Variants in TBC1D9 observed in about 807,000 individuals in gnomAD.
TBC1D9 encodes TBC1 domain family member 9.
A neutral mutation model predicts 132.0 loss-of-function variants in TBC1D9; 63 were observed. The ratio of observed to expected loss-of-function variants is 0.48; its 90% CI spans 0.39 to 0.59. The LOEUF (loss-of-function observed/expected upper bound fraction) is 0.59. TBC1D9 is among the 20% of genes least tolerant of loss of function. TBC1D9 has a pLI of 0.00. For synonymous variants in TBC1D9, 610 were observed against 609.9 expected (o/e 1.00, Z 0.00); for missense variants, 1,261 against 1,592.7 (o/e 0.79, Z 3.54).
At chr4:140,626,937 C>A (rs574154085) in intron 18 of TBC1D9, among the ~76,000 whole-genome samples, 34 of 152,302 alleles carry the variant, frequency 2.2e-4, no homozygotes, top group African/African-American at 8.2e-4. Context: ...ATATACTTTT[C>A]ATGTGGCAAA....
chr4:140,676,124 A>G (rs1463327735), intron 6 of TBC1D9, among the ~76,000 whole-genome samples: 1 of 152,152 alleles, frequency 6.6e-6, no homozygotes, highest in Non-Finnish European at 1.5e-5. Flanking sequence ...AATTGTTCCA[A>G]TTATCCAAGC....
intron 6 of TBC1D9, among the ~76,000 whole-genome samples, chr4:140,675,937 T>C (rs1437505225): frequency 6.6e-6 from 1 of 152,202 alleles, no homozygotes; most frequent in Non-Finnish European, 1.5e-5. Flanking sequence ...CTGGAGGGAT[T>C]ACCCTTCCCA....
intron 1 of TBC1D9, among the ~76,000 whole-genome samples, chr4:140,748,238 A>G (rs1738866871): frequency 6.6e-6 from 1 of 152,222 alleles, no homozygotes; most frequent in African/African-American, 2.4e-5. Context: ...TAAAAAAATA[A>G]TTAAAAGTGG....
At chr4:140,746,270 A>G (rs1738834505) in intron 1 of TBC1D9, among the ~76,000 whole-genome samples, 1 of 152,182 alleles carries the variant, frequency 6.6e-6, no homozygotes, top group Non-Finnish European at 1.5e-5. Flanking sequence ...GGAATCACAC[A>G]TTTGATTTTG....
At chr4:140,707,335 T>A (rs936570084) in intron 1 of TBC1D9, among the ~76,000 whole-genome samples, 6 of 152,222 alleles carry the variant, frequency 3.9e-5, no homozygotes, top group African/African-American at 1.4e-4. Context: ...GAAGCTTCCA[T>A]TTATATACAT....
chr4:140,737,874 C>G (rs976421645), intron 1 of TBC1D9, among the ~76,000 whole-genome samples: 6 of 152,070 alleles, frequency 3.9e-5, no homozygotes, highest in Non-Finnish European at 5.9e-5. Context: ...AAAAGTGGAG[C>G]CTCAGTTCCA....
intron 1 of TBC1D9, among the ~76,000 whole-genome samples, chr4:140,718,464 A>C (rs909906318): frequency 2.0e-5 from 3 of 152,138 alleles, no homozygotes; most frequent in African/African-American, 7.2e-5. Context: ...CCTCCATGTA[A>C]TAATTACCCC....
intron 2 of TBC1D9, among the ~76,000 whole-genome samples, chr4:140,691,596 T>G (rs1737879212): frequency 1.3e-5 from 2 of 152,294 alleles, no homozygotes; most frequent in South Asian, 4.1e-4. Flanking sequence ...GATTGTGTAA[T>G]CAGCTGGAAT....
At chr4:140,737,868 G>T (rs765784669) in intron 1 of TBC1D9, among the ~76,000 whole-genome samples, 2 of 152,132 alleles carry the variant, frequency 1.3e-5, no homozygotes, top group Non-Finnish European at 2.9e-5. Flanking sequence ...CTGATAAAAA[G>T]TGGAGCCTCA....
At chr4:140,692,745 C>A (rs1480036396) in intron 2 of TBC1D9, among the ~76,000 whole-genome samples, 1 of 152,098 alleles carries the variant, frequency 6.6e-6, no homozygotes, top group African/African-American at 2.4e-5. Flanking sequence ...ACAGACCGGG[C>A]ACGGTGGCTC....
chr4:140,704,807 G>A (rs1738126156), intron 1 of TBC1D9, among the ~76,000 whole-genome samples: 1 of 152,140 alleles, frequency 6.6e-6, no homozygotes, highest in Admixed American at 6.6e-5. Flanking sequence ...TAGAGATAAA[G>A]AAAACCCAGT....
intron 1 of TBC1D9, among the ~76,000 whole-genome samples, chr4:140,747,888 A>G (rs1738861617): frequency 1.3e-5 from 2 of 152,240 alleles, no homozygotes; most frequent in Admixed American, 6.5e-5. Flanking sequence ...GCTCAGCTAG[A>G]AAATATATCA....
At position 140,756,173 on chromosome 4, in the gene TBC1D9, G is replaced by GGCGGCA. The variant is rs1739012912; in HGVS notation, c.-134_-129dup. 4.5e-6 allele frequency: 3 copies of GGCGGCA among 666,402 alleles called. No homozygotes were observed. The highest frequency in any genetic ancestry group is 6.4e-6 in the Non-Finnish European group (3 of 465,484). The allele number at this position is 666,402 out of a possible 1,614,324, so 41.3% of individuals were successfully genotyped here. ...CCCGTCCGCTAGGTGCGGCGGCGGC[G>GGCGGCA]GCGGCAGGCGACTTCAGGGGGTGGC... On this transcript the variant is annotated 5_prime_UTR_variant, in exon 1 of 21. Transcript: ENST00000442267. This position sits in a 1 kb window ranked among gnomAD's most constrained non-coding sequence, Gnocchi z 5.6.
In TBC1D9 at chr4:140,652,282, A is replaced by C. The variant is rs2110991407; in HGVS notation, c.2337+4815T>G. ...AAAAAGATTTTGTTAATACATGAAT[A>C]GACAAATGCTGTTTCTTGCATCTCC... On this transcript the variant is annotated intron_variant, in intron 13 of 20. Transcript: ENST00000442267. Among the ~76,000 whole-genome samples, 2 of 152,174 alleles carry C rather than the reference A, an allele frequency of 1.3e-5. 1 individual carries two copies. Among genetic ancestry groups the C allele is most frequent in the South Asian group, 4.2e-4 (2 of 4,810 alleles).
chr4:140,721,546 T>C (rs527707506), intron 1 of TBC1D9, among the ~76,000 whole-genome samples: 2 of 152,312 alleles, frequency 1.3e-5, no homozygotes, highest in Non-Finnish European at 2.9e-5. Context: ...GAGTTGAGGA[T>C]GCTAAGAGGG....
intron 11 of TBC1D9, 89 bp downstream of exon 11, chr4:140,659,499 T>C (rs1737325187): frequency 2.3e-6 from 2 of 865,580 alleles, no homozygotes; most frequent in Non-Finnish European, 3.6e-6. Flanking sequence ...TGGCTTATGG[T>C]GACCAGAAAT....
chr4:140,643,390 C>A, intron 13 of TBC1D9: 1 of 1,165,428 alleles, frequency 8.6e-7, no homozygotes, highest in South Asian at 1.3e-5. Context: ...TGGGGCAGCT[C>A]CATGGCCACC....
At chr4:140,733,189 A>G (rs1444211344) in intron 1 of TBC1D9, among the ~76,000 whole-genome samples, 1 of 152,220 alleles carries the variant, frequency 6.6e-6, no homozygotes, top group Non-Finnish European at 1.5e-5. Context: ...AAAGGTATCT[A>G]TCTACACAAT....
At chr4:140,735,420 C>T (rs185272930) in intron 1 of TBC1D9, among the ~76,000 whole-genome samples, 84 of 152,250 alleles carry the variant, frequency 5.5e-4, no homozygotes, top group Non-Finnish European at 9.9e-4. Flanking sequence ...CTTTTATAAG[C>T]ATATATGTCA....
Sources: allele counts gnomAD v4.1 joint callset (sites outside exome capture counted in the v4.1 genomes callset), GRCh38; gene constraint gnomAD v4.1.1; non-coding constraint Gnocchi (gnomAD v3.1); transcripts MANE v1.5; gene names NCBI Gene and HGNC (gene_info 2026-07-23, HGNC 2026-07-21).